The following CCDC149 variants were observed in gnomAD, a reference collection of about 807,000 sequenced individuals.
CCDC149 encodes coiled-coil domain containing 149.
A neutral mutation model predicts 59.9 loss-of-function variants in CCDC149; 45 were observed. The observed-to-expected ratio is 0.75, with a 90% CI of 0.59 to 0.96. The LOEUF (loss-of-function observed/expected upper bound fraction) is 0.96, where lower values mean the gene tolerates loss of function less well. Among genes scored for constraint, CCDC149 ranks in the 40% least tolerant of loss-of-function variants. CCDC149 has a pLI of 0.00. For missense variants in CCDC149, 584 were observed against 664.7 expected, an observed-to-expected ratio of 0.88 and a Z score of 1.33; for synonymous variants, 245 against 260.6, an observed-to-expected ratio of 0.94 and a Z score of 0.58.
intron 3 of CCDC149, among the ~76,000 whole-genome samples, chr4:24,856,863 C>T (rs1169069122): frequency 6.6e-6 from 1 of 152,206 alleles, no homozygotes; most frequent in East Asian, 1.9e-4. Context: ...TCCCTCCCTA[C>T]CAGATGGAGG....
At chr4:24,879,999 C>T (rs746043158) in intron 1 of CCDC149, among the ~76,000 whole-genome samples, 6 of 152,196 alleles carry the variant, frequency 3.9e-5, no homozygotes, top group Admixed American at 1.3e-4. Flanking sequence ...AGAGCCATTC[C>T]GGTGAGTGTC....
At chr4:24,832,255 T>C (rs1716201342) in intron 8 of CCDC149, among the ~76,000 whole-genome samples, 1 of 152,204 alleles carries the variant, frequency 6.6e-6, no homozygotes, top group Non-Finnish European at 1.5e-5. Flanking sequence ...GTGCTACCAC[T>C]TAGGATAAGG....
In CCDC149 at chr4:24,879,972, A is replaced by T. The variant is rs555885997; in HGVS notation, c.64-3275T>A. On this transcript the variant is annotated intron_variant, in intron 1 of 12. Transcript: ENST00000635206. ...GGCCACAGATAGCCCACAAGTTCAG[A>T]AGCAAGGAACAGTCTCAGAGCCATT... Among the ~76,000 whole-genome samples the T allele has an allele frequency of 5.3e-5, 8 of 152,218 alleles. No individual in the cohort carries two copies. In the South Asian group the frequency reaches 1.7e-3, roughly 32 times the overall value.
chr4:24,964,256 T>C (rs1291826644), intron 1 of CCDC149, among the ~76,000 whole-genome samples: 1 of 123,088 alleles, frequency 8.1e-6, no homozygotes, highest in Admixed American at 7.7e-5. Flanking sequence ...ATAACCAAAA[T>C]AAAAAGTCCA....
intron 1 of CCDC149, among the ~76,000 whole-genome samples, chr4:24,967,402 G>A (rs113311688): frequency 0.018 from 2,668 of 152,236 alleles, 51 homozygotes; most frequent in South Asian, 0.058. Flanking sequence ...GGCAGATGAC[G>A]GTGGACTATC....
At chr4:24,811,289 A>G (rs1210473166) in intron 12 of CCDC149, among the ~76,000 whole-genome samples, 1 of 152,176 alleles carries the variant, frequency 6.6e-6, no homozygotes, top group Non-Finnish European at 1.5e-5. Context: ...TAGAGCTAGG[A>G]ACCCATATCC....
At chr4:24,922,028 C>G (rs1426076659) in intron 1 of CCDC149, among the ~76,000 whole-genome samples, 1 of 152,174 alleles carries the variant, frequency 6.6e-6, no homozygotes, top group Non-Finnish European at 1.5e-5. Context: ...AGGATCTGTT[C>G]CAGATGCTTT....
chr4:24,936,182 CTT>C (rs1722775192), intron 1 of CCDC149, among the ~76,000 whole-genome samples: 1 of 152,122 alleles, frequency 6.6e-6, no homozygotes, highest in Admixed American at 6.5e-5. Flanking sequence ...ATACACAACT[CTT>C]TCCAAGACTT....
At chr4:24,855,362 C>T (rs1717935514) in intron 3 of CCDC149, among the ~76,000 whole-genome samples, 1 of 152,102 alleles carries the variant, frequency 6.6e-6, no homozygotes, top group Admixed American at 6.5e-5. Flanking sequence ...GTCAGGAGTT[C>T]AAGACCAGCC....
intron 1 of CCDC149, among the ~76,000 whole-genome samples, chr4:24,930,122 C>T (rs188084730): frequency 1.2e-4 from 18 of 152,318 alleles, no homozygotes; most frequent in Non-Finnish European, 2.5e-4. Flanking sequence ...CTGGAGGAGA[C>T]CCTGTAACTG....
intron 1 of CCDC149, among the ~76,000 whole-genome samples, chr4:24,977,747 G>A (rs1724270495): frequency 6.6e-6 from 1 of 152,192 alleles, no homozygotes; most frequent in South Asian, 2.1e-4. Context: ...AGGTCTGCCT[G>A]TTAGGAATAT....
At chr4:24,966,727 G>T (rs1560272101) in intron 1 of CCDC149, among the ~76,000 whole-genome samples, 1 of 152,226 alleles carries the variant, frequency 6.6e-6, no homozygotes, top group Admixed American at 6.5e-5. Flanking sequence ...AATGCCCAAG[G>T]GGGAGAAGGA....
At chr4:24,883,942 T>C (rs1720002807) in intron 1 of CCDC149, among the ~76,000 whole-genome samples, 1 of 152,218 alleles carries the variant, frequency 6.6e-6, no homozygotes, top group South Asian at 2.1e-4. Flanking sequence ...CTTTTTACTA[T>C]TCTACATTGG....
At chr4:24,923,646 T>A (rs1257141500) in intron 1 of CCDC149, among the ~76,000 whole-genome samples, 1 of 151,980 alleles carries the variant, frequency 6.6e-6, no homozygotes, top group Non-Finnish European at 1.5e-5. Flanking sequence ...TGAATGAAGA[T>A]TAGTGTGACC....
chr4:24,803,575 CA>C (rs1713984068), downstream of CCDC149, among the ~76,000 whole-genome samples: 1 of 152,142 alleles, frequency 6.6e-6, no homozygotes, highest in South Asian at 2.1e-4. The surrounding 1 kb of genome is among the most constrained non-coding windows in gnomAD (Gnocchi z 4.3). Flanking sequence ...TTATGATATA[CA>C]ATGACCATAG....
chr4:24,804,230 C>T (rs1467395639), downstream of CCDC149, among the ~76,000 whole-genome samples: 4 of 152,124 alleles, frequency 2.6e-5, no homozygotes, highest in Non-Finnish European at 5.9e-5. Flanking sequence ...CAGTGGCTCA[C>T]GCCTGCAATC....
intron 1 of CCDC149, among the ~76,000 whole-genome samples, chr4:24,949,369 G>C (rs1197210276): frequency 6.9e-6 from 1 of 144,468 alleles, no homozygotes; most frequent in African/African-American, 2.5e-5. Context: ...ACCTGATCCT[G>C]TGCAGAAAGA....
At chr4:24,954,061 G>A (rs1189440756) in intron 1 of CCDC149, among the ~76,000 whole-genome samples, 1 of 152,102 alleles carries the variant, frequency 6.6e-6, no homozygotes, top group Non-Finnish European at 1.5e-5. Flanking sequence ...ACACATTGTG[G>A]AGGTCCCAGA....
intron 1 of CCDC149, among the ~76,000 whole-genome samples, chr4:24,918,524 TA>T (rs752353982): frequency 3.9e-5 from 6 of 152,166 alleles, no homozygotes; most frequent in Non-Finnish European, 8.8e-5. Flanking sequence ...CCATTCACAG[TA>T]GGAGAATTGC....
Sources: allele counts gnomAD v4.1 joint callset (sites outside exome capture counted in the v4.1 genomes callset), GRCh38; gene constraint gnomAD v4.1.1; non-coding constraint Gnocchi (gnomAD v3.1); transcripts MANE v1.5; gene names NCBI Gene and HGNC (gene_info 2026-07-23, HGNC 2026-07-21).